The following ASIC2 variants were observed in gnomAD, a reference collection of about 807,000 sequenced individuals.
ASIC2 encodes acid-sensing ion channel 2.
In ASIC2, 25 loss-of-function variants were observed where a neutral mutation model predicts 57.3. The observed-to-expected ratio is 0.44, with a 90% CI of 0.32 to 0.61. ASIC2 has a LOEUF of 0.61. Ranked by LOEUF, ASIC2 falls within the 20% of genes least tolerant of loss-of-function variation. The pLI is 0.06. For missense variants in ASIC2, 641 were observed against 738.1 expected (o/e 0.87, Z 1.52); for synonymous variants, 319 against 307.5 (o/e 1.04, Z -0.39).
Position 33,089,000 on chromosome 17 carries a change from C to T in ASIC2, c.860-10G>A. On this transcript the variant is annotated splice_polypyrimidine_tract_variant and intron_variant, in intron 2 of 9. Transcript: ENST00000225823. ...TCAAATGTCGTTTCCTCTGAAAGAA[C>T]AAAGATGGACAGAGCCACGGGTCAG... 1.2e-6 allele frequency: 2 copies of T among 1,613,830 alleles called. No individual in the cohort carries two copies. The highest frequency in any genetic ancestry group is 1.7e-6 in the Non-Finnish European group (2 of 1,179,822).
At chr17:33,519,805 C>T (rs1259709100) in intron 1 of ASIC2, among the ~76,000 whole-genome samples, 1 of 152,086 alleles carries the variant, frequency 6.6e-6, no homozygotes. Context: ...CACTTCAGGC[C>T]ACCCACGCAG....
intron 1 of ASIC2, among the ~76,000 whole-genome samples, chr17:33,471,245 A>T (rs572741384): frequency 6.6e-6 from 1 of 152,192 alleles, no homozygotes; most frequent in South Asian, 2.1e-4. Context: ...CTCTTCTAAG[A>T]CCTTTTTGTG....
Position 33,046,369 on chromosome 17 carries a change from T to C in ASIC2, c.988-17977A>G, listed in dbSNP as rs549390168. 2.6e-5 allele frequency among the ~76,000 whole-genome samples: 4 copies of C among 152,356 alleles called. No homozygotes were observed. In the South Asian group the frequency reaches 6.2e-4, roughly 24 times the overall value. On this transcript the variant is annotated intron_variant, in intron 3 of 9. Coordinates refer to ENST00000225823, the MANE Select transcript of ASIC2 (RefSeq NM_183377.2). ...TGGAATATTTGCTTAATGGGTTTTCTTAAAGTAGAGCACATCTCAATGCAT... is the reference window on the plus strand; with the variant it reads ...TGGAATATTTGCTTAATGGGTTTTCCTAAAGTAGAGCACATCTCAATGCAT...
At chr17:33,095,843 T>C (rs926299183) in intron 2 of ASIC2, among the ~76,000 whole-genome samples, 12 of 152,370 alleles carry the variant, frequency 7.9e-5, no homozygotes, top group African/African-American at 2.2e-4. Context: ...GCTTAATCCC[T>C]GGGGACCTGT....
intron 1 of ASIC2, among the ~76,000 whole-genome samples, chr17:33,481,176 G>A (rs1000468698): frequency 6.6e-6 from 1 of 152,192 alleles, no homozygotes; most frequent in African/African-American, 2.4e-5. Context: ...TGCTGCAGGT[G>A]TGTCCCTTTG....
Position 33,736,897 on chromosome 17 carries a change from C to A in ASIC2, c.555+419081G>T, listed in dbSNP as rs148310834. On this transcript the variant is annotated intron_variant, in intron 1 of 9. Coordinates refer to the ASIC2 transcript ENST00000359872. Reference sequence around the variant, plus strand: ...TCATGGGCATGTTTTTGGCCAATTGCATATGGATCTAAATAATGTGGTCTC... The same window carrying A: ...TCATGGGCATGTTTTTGGCCAATTGAATATGGATCTAAATAATGTGGTCTC... Among the ~76,000 whole-genome samples, 139 of 152,308 alleles carry A rather than the reference C, an allele frequency of 9.1e-4. No individual in the cohort carries two copies. In the Middle Eastern group the frequency reaches 0.01, roughly 11 times the overall value.
chr17:33,136,268 G>A (rs1214701322), intron 1 of ASIC2, among the ~76,000 whole-genome samples: 1 of 152,234 alleles, frequency 6.6e-6, no homozygotes, highest in African/African-American at 2.4e-5. Flanking sequence ...CAGACACTGT[G>A]CTTGCCTCTG....
At chr17:33,188,426 T>G (rs1002840687) in intron 1 of ASIC2, among the ~76,000 whole-genome samples, 4 of 152,240 alleles carry the variant, frequency 2.6e-5, no homozygotes, top group African/African-American at 9.6e-5. Context: ...TTTTCAAAAT[T>G]TGATAAAAAT....
chr17:34,032,026 TCC>T lies in ASIC2; in HGVS notation c.555+123950_555+123951del, dbSNP rs1182247967. ...AATACAGAGAATGCCACAAAGATACTCCTCGAGAAGAGCAACTCCAAGACACA... is the reference window on the plus strand; with the variant it reads ...AATACAGAGAATGCCACAAAGATACTTCGAGAAGAGCAACTCCAAGACACA... On this transcript the variant is annotated intron_variant, in intron 1 of 9. Transcript: ENST00000359872. Among the ~76,000 whole-genome samples, 4 of 152,024 alleles carry T rather than the reference TCC, an allele frequency of 2.6e-5. No homozygotes were observed. The East Asian group carries it at 7.7e-4, about 29-fold the overall frequency.
At chr17:34,079,128 T>A (rs1391944305) in intron 1 of ASIC2, 1 of 152,218 alleles carries the variant, frequency 6.6e-6, no homozygotes, top group African/African-American at 2.4e-5. Context: ...TCCACCAGAG[T>A]GATACTTCTA....
At chr17:33,785,696 C>T (rs905664521) in intron 1 of ASIC2, among the ~76,000 whole-genome samples, 1 of 152,206 alleles carries the variant, frequency 6.6e-6, no homozygotes, top group Non-Finnish European at 1.5e-5. Flanking sequence ...AATATTCTCA[C>T]TTATGAAATG....
intron 1 of ASIC2, among the ~76,000 whole-genome samples, chr17:33,320,464 A>G (rs1906825635): frequency 6.6e-6 from 1 of 152,136 alleles, no homozygotes; most frequent in Non-Finnish European, 1.5e-5. Flanking sequence ...AGACAACAAA[A>G]CAGACCTAGG....
At chr17:33,687,919 A>G (rs1908245430) in intron 1 of ASIC2, among the ~76,000 whole-genome samples, 1 of 152,214 alleles carries the variant, frequency 6.6e-6, no homozygotes. Context: ...GCTTCAGGAA[A>G]GAAAGTCACT....
intron 1 of ASIC2, among the ~76,000 whole-genome samples, chr17:33,998,480 C>A (rs1449688002): frequency 6.6e-6 from 1 of 152,026 alleles, no homozygotes; most frequent in Middle Eastern, 3.2e-3. Context: ...TAAAATCTTT[C>A]TTTTGTCTTA....
At chr17:34,040,664 T>C (rs1047829604) in intron 1 of ASIC2, among the ~76,000 whole-genome samples, 9 of 152,144 alleles carry the variant, frequency 5.9e-5, no homozygotes, top group African/African-American at 2.2e-4. Flanking sequence ...CATTGCATGG[T>C]GCTGCAGGTG....
At chr17:34,103,164 G>A (rs928412721) in intron 1 of ASIC2, among the ~76,000 whole-genome samples, 5 of 151,988 alleles carry the variant, frequency 3.3e-5, no homozygotes, top group African/African-American at 9.7e-5. Flanking sequence ...GGAGTGGGAG[G>A]GGGGACAGTC....
chr17:33,884,747 C>T (rs1467824565), intron 1 of ASIC2, among the ~76,000 whole-genome samples: 2 of 151,176 alleles, frequency 1.3e-5, no homozygotes, highest in South Asian at 4.2e-4. Context: ...TAGATTCACT[C>T]TTTGACTTGC....
intron 1 of ASIC2, among the ~76,000 whole-genome samples, chr17:34,007,136 G>A (rs930149320): frequency 6.6e-5 from 10 of 152,180 alleles, no homozygotes; most frequent in African/African-American, 2.4e-4. Flanking sequence ...GCAGCCCAGA[G>A]GGGGGAAGGA....
chr17:33,346,488 A>G (rs1035516149), intron 1 of ASIC2, among the ~76,000 whole-genome samples: 9 of 151,826 alleles, frequency 5.9e-5, no homozygotes, highest in African/African-American at 1.7e-4. Flanking sequence ...CTATGTGTAT[A>G]TGAAAATGCG....
Sources: gnomAD v4.1 joint callset for allele counts (sites outside exome capture counted in the v4.1 genomes callset) on GRCh38, gnomAD v4.1.1 for gene constraint, MANE v1.5 for transcripts, NCBI Gene and HGNC (gene_info 2026-07-23, HGNC 2026-07-21) for gene names.